The following COP1 variants were observed in gnomAD, a reference collection of about 807,000 sequenced individuals.
COP1 encodes the protein E3 ubiquitin-protein ligase COP1.
COP1 carries 24 observed loss-of-function variants against 101.3 expected under a neutral mutation model. The ratio of observed to expected loss-of-function variants is 0.24; its 90% confidence interval spans 0.17 to 0.33. The LOEUF (loss-of-function observed/expected upper bound fraction) is 0.33. COP1 is among the 10% of genes least tolerant of loss of function. COP1 has a pLI of 1.00. For missense variants in COP1, 663 were observed against 906.2 expected, an observed-to-expected ratio of 0.73 and a Z score of 3.45; for synonymous variants, 347 against 341.9, an observed-to-expected ratio of 1.01 and a Z score of -0.17.
intron 18 of COP1, among the ~76,000 whole-genome samples, chr1:175,976,247 AG>A (rs1319719183): frequency 1.4e-5 from 2 of 142,884 alleles, no homozygotes; most frequent in Admixed American, 1.4e-4. Flanking sequence ...TACCCATATA[AG>A]TCTCTATATC....
intron 18 of COP1, among the ~76,000 whole-genome samples, chr1:175,978,821 T>C (rs1026803563): frequency 6.6e-6 from 1 of 152,178 alleles, no homozygotes; most frequent in Non-Finnish European, 1.5e-5. Context: ...AGCTTCTATG[T>C]TGTCTTCTCC....
In COP1 at chr1:176,091,775, TATA is replaced by T. The variant is rs1290672342; in HGVS notation, c.1027-5888_1027-5886del. Among the ~76,000 whole-genome samples the T allele has an allele frequency of 1.4e-4, 21 of 151,984 alleles. No individual in the cohort carries two copies. In the South Asian group the frequency reaches 3.9e-3, roughly 29 times the overall value. Reference sequence around the variant, plus strand: ...AATCAAAAACTGAGAAAAACAGAAGTATAATAAGTAAAACAGAATGAAATTATA... The same window carrying T: ...AATCAAAAACTGAGAAAAACAGAAGTATAAGTAAAACAGAATGAAATTATA... On this transcript the variant is annotated intron_variant, in intron 9 of 19. Coordinates refer to ENST00000367669, the MANE Select transcript of COP1 (RefSeq NM_022457.7).
At chr1:176,026,535 G>A (rs935543334) in intron 15 of COP1, among the ~76,000 whole-genome samples, 91 of 152,026 alleles carry the variant, frequency 6.0e-4, no homozygotes, top group African/African-American at 2.1e-3. Flanking sequence ...AGGATCAAAT[G>A]AAAACAGCAT....
At chr1:175,985,575 T>C (rs1656910567) in intron 18 of COP1, among the ~76,000 whole-genome samples, 1 of 152,162 alleles carries the variant, frequency 6.6e-6, no homozygotes, top group South Asian at 2.1e-4. Flanking sequence ...CTCCAATCCC[T>C]GCAACCCTGT....
intron 6 of COP1, among the ~76,000 whole-genome samples, chr1:176,142,459 A>G (rs1159804663): frequency 1.3e-5 from 2 of 152,146 alleles, no homozygotes; most frequent in Non-Finnish European, 2.9e-5. Flanking sequence ...ACCATATGCT[A>G]TCTATAAGAA....
chr1:175,958,391 C>T (rs1048566652), intron 18 of COP1, among the ~76,000 whole-genome samples: 2 of 151,802 alleles, frequency 1.3e-5, no homozygotes, highest in Non-Finnish European at 2.9e-5. Flanking sequence ...AATATCAAAG[C>T]CATTTCAGCT....
intron 18 of COP1, among the ~76,000 whole-genome samples, chr1:175,980,131 G>A (rs1014342554): frequency 6.6e-6 from 1 of 152,066 alleles, no homozygotes; most frequent in African/African-American, 2.4e-5. Flanking sequence ...GGACACTGAA[G>A]CACCGTGTGG....
intron 18 of COP1, chr1:175,968,379 T>C (rs773018603): frequency 8.1e-6 from 4 of 496,556 alleles, no homozygotes; most frequent in South Asian, 4.4e-5. Context: ...ACCAAGTATT[T>C]AGAGTGGCAG....
chr1:176,178,018 C>T (rs567127730), intron 2 of COP1, among the ~76,000 whole-genome samples: 4 of 152,254 alleles, frequency 2.6e-5, no homozygotes, highest in Admixed American at 2.0e-4. Flanking sequence ...GTTCCAAAAA[C>T]AGTATCATCA....
In COP1 at chr1:176,206,998, G is replaced by A; in HGVS notation, c.-20C>T. On this transcript the variant is annotated 5_prime_UTR_variant, in exon 1 of 20. Coordinates refer to ENST00000367669, the MANE Select transcript of COP1 (RefSeq NM_022457.7). ...AGACATCGTGACTCCCTCCCCTCCA[G>A]CCGGGCGCTCGGAGGAGAGGGACCG... 7.3e-7 allele frequency: 1 copy of A among 1,366,984 alleles called. No individual in the cohort carries two copies. Among genetic ancestry groups the A allele is most frequent in the East Asian group, 3.1e-5 (1 of 32,374 alleles). The allele number at this position is 1,366,984 out of a possible 1,614,324, so 84.7% of individuals were successfully genotyped here.
chr1:176,164,031 C>A, intron 3 of COP1, 140 bp from the exon 4 acceptor site: 1 of 516,378 alleles, frequency 1.9e-6, no homozygotes, highest in Non-Finnish European at 3.5e-6. Flanking sequence ...AAAGTGTTAG[C>A]TTTTTATTTT....
chr1:175,999,643 G>A (rs1372983684), intron 15 of COP1, among the ~76,000 whole-genome samples: 2 of 151,970 alleles, frequency 1.3e-5, no homozygotes, highest in South Asian at 2.1e-4. Flanking sequence ...GGGACTGCTG[G>A]GTAATATGGT....
At chr1:176,205,607 CAGCT>C (rs1290017340) in intron 1 of COP1, among the ~76,000 whole-genome samples, 8 of 152,214 alleles carry the variant, frequency 5.3e-5, no homozygotes, top group African/African-American at 1.4e-4. Flanking sequence ...ACTTCTTAAG[CAGCT>C]AGCTAACAGC....
intron 11 of COP1, among the ~76,000 whole-genome samples, chr1:176,049,177 T>A (rs1672071948): frequency 5.2e-5 from 1 of 19,258 alleles, no homozygotes; most frequent in Admixed American, 5.9e-4. Flanking sequence ...AGACTCCGTC[T>A]CAAAAAAAAA....
At chr1:176,164,331 T>C (rs1694772783) in intron 3 of COP1, among the ~76,000 whole-genome samples, 1 of 152,234 alleles carries the variant, frequency 6.6e-6, no homozygotes, top group Non-Finnish European at 1.5e-5. Context: ...TTTAGCTAAC[T>C]ATCCAAAAAC....
chr1:176,075,847 A>T (rs1403217254), intron 11 of COP1, among the ~76,000 whole-genome samples: 1 of 151,972 alleles, frequency 6.6e-6, no homozygotes, highest in East Asian at 1.9e-4. Context: ...TACTAAAAAT[A>T]CAAAAATTAG....
chr1:176,057,353 CCT>C (rs778623402), intron 11 of COP1, among the ~76,000 whole-genome samples: 24 of 152,116 alleles, frequency 1.6e-4, no homozygotes, highest in Non-Finnish European at 3.2e-4. Flanking sequence ...ATTCCCTCTC[CCT>C]CTCTTTCCAC....
chr1:176,058,862 G>T (rs1394660178), intron 11 of COP1, among the ~76,000 whole-genome samples: 1 of 151,012 alleles, frequency 6.6e-6, no homozygotes, highest in African/African-American at 2.4e-5. Context: ...GATCCCATAT[G>T]TGAGTTACTG....
At position 176,086,090 on chromosome 1, in the gene COP1, T is replaced by A. The variant is rs117608180; in HGVS notation, c.1027-200A>T. Among the ~76,000 whole-genome samples the A allele has an allele frequency of 7.6e-4, 116 of 152,294 alleles. 2 individuals carry two copies. The East Asian group carries it at 0.016, about 21-fold the overall frequency. On this transcript the variant is annotated intron_variant, in intron 9 of 19. Transcript: ENST00000367669. ...AAACCAAATTCATTCGCAGAATGAT[T>A]AAAACTAATAATGACTAAAAATAAG...
Sources: allele counts gnomAD v4.1 joint callset (sites outside exome capture counted in the v4.1 genomes callset), GRCh38; gene constraint gnomAD v4.1.1; transcripts MANE v1.5; gene names NCBI Gene and HGNC (gene_info 2026-07-23, HGNC 2026-07-21).